The following PACRG variants were observed in gnomAD, a reference collection of about 807,000 sequenced individuals.
The protein encoded by PACRG is parkin coregulated gene protein.
Under a neutral mutation model 29.7 loss-of-function variants are expected in PACRG, and 29 were observed. The ratio of observed to expected loss-of-function variants is 0.98; its 90% confidence interval spans 0.73 to 1.33. The LOEUF is 1.33. Ranked by LOEUF, PACRG falls within the 40% of genes most tolerant of loss-of-function variation. PACRG has a pLI of 0.00. For synonymous variants in PACRG, 116 were observed against 118.7 expected, an observed-to-expected ratio of 0.98 and a Z score of 0.15; for missense variants, 279 against 316.2, an observed-to-expected ratio of 0.88 and a Z score of 0.89.
At chr6:162,858,799 G>A (rs905481491) in intron 2 of PACRG, among the ~76,000 whole-genome samples, 1 of 152,130 alleles carries the variant, frequency 6.6e-6, no homozygotes, top group African/African-American at 2.4e-5. Context: ...CTGGTATAGG[G>A]CAGTACTCCT....
chr6:163,233,431 A>G (rs1296005371), intron 4 of PACRG, among the ~76,000 whole-genome samples: 1 of 152,256 alleles, frequency 6.6e-6, no homozygotes, highest in Non-Finnish European at 1.5e-5. Flanking sequence ...AAATGACACC[A>G]GCCTTGAACT....
chr6:163,022,661 A>G (rs1164528486), intron 2 of PACRG, among the ~76,000 whole-genome samples: 1 of 152,250 alleles, frequency 6.6e-6, no homozygotes. Flanking sequence ...ATGTAATGAA[A>G]TTAACTGTAG....
chr6:162,825,801 A>T (rs1205292880), intron 2 of PACRG, among the ~76,000 whole-genome samples: 1 of 151,686 alleles, frequency 6.6e-6, no homozygotes, highest in Non-Finnish European at 1.5e-5. Context: ...CACATTCTGA[A>T]CCTCTTTTGA....
At chr6:162,983,286 C>CATT (rs1446015107) in intron 2 of PACRG, among the ~76,000 whole-genome samples, 3 of 151,974 alleles carry the variant, frequency 2.0e-5, no homozygotes, top group African/African-American at 7.2e-5. Flanking sequence ...TTAAGTGGAG[C>CATT]ATTTAGGCCA....
At chr6:163,234,738 T>G (rs1048662793) in intron 4 of PACRG, among the ~76,000 whole-genome samples, 1 of 152,124 alleles carries the variant, frequency 6.6e-6, no homozygotes, top group Admixed American at 6.5e-5. Flanking sequence ...GAGTCAAAAA[T>G]TTCTCTTGGA....
At chr6:162,874,221 AACTTT>A (rs1793092887) in intron 2 of PACRG, among the ~76,000 whole-genome samples, 1 of 151,000 alleles carries the variant, frequency 6.6e-6, no homozygotes, top group African/African-American at 2.4e-5. Context: ...GTTTTTTTGT[AACTTT>A]ACTTCCTCCC....
chr6:163,201,462 C>T (rs1345300782), intron 4 of PACRG, among the ~76,000 whole-genome samples: 3 of 152,196 alleles, frequency 2.0e-5, no homozygotes, highest in Non-Finnish European at 4.4e-5. Flanking sequence ...TCCCTCGGCC[C>T]CTGGGGAGCC....
chr6:162,873,206 T>TTGTGTG (rs35191237), intron 2 of PACRG, among the ~76,000 whole-genome samples: 145 of 150,396 alleles, frequency 9.6e-4, no homozygotes, highest in African/African-American at 3.4e-3. Context: ...GTTTTTCTGT[T>TTGTGTG]TGTGTGTGTG....
chr6:163,116,124 G>C (rs73786975), intron 4 of PACRG, among the ~76,000 whole-genome samples: 3,653 of 152,238 alleles, frequency 0.024, 159 homozygotes, highest in African/African-American at 0.083. Flanking sequence ...AAGAAACAAG[G>C]TTTGATGAGC....
intron 3 of PACRG, among the ~76,000 whole-genome samples, chr6:163,070,892 C>T (rs1251428553): frequency 6.6e-6 from 1 of 151,686 alleles, no homozygotes; most frequent in Non-Finnish European, 1.5e-5. Context: ...CAAAAAAGAG[C>T]AGAAGTTGCT....
intron 1 of PACRG, among the ~76,000 whole-genome samples, chr6:162,759,983 C>T (rs546093990): frequency 6.6e-6 from 1 of 152,218 alleles, no homozygotes; most frequent in Non-Finnish European, 1.5e-5. Flanking sequence ...AGAAGATGAG[C>T]AAGGATATGG....
intron 4 of PACRG, chr6:163,095,581 C>G (rs1814501310): frequency 2.6e-6 from 1 of 388,856 alleles, no homozygotes; most frequent in African/African-American, 2.3e-5. Flanking sequence ...TCCGGGGAAG[C>G]CTCCTTCCTG....
intron 2 of PACRG, among the ~76,000 whole-genome samples, chr6:162,858,578 T>C (rs951475319): frequency 6.6e-6 from 1 of 152,150 alleles, no homozygotes; most frequent in Non-Finnish European, 1.5e-5. Context: ...GAGAAAAACA[T>C]CACATTTATT....
intron 2 of PACRG, among the ~76,000 whole-genome samples, chr6:162,877,136 G>A (rs565014480): frequency 9.2e-5 from 14 of 152,196 alleles, no homozygotes; most frequent in South Asian, 8.3e-4. Flanking sequence ...ACATGCACAC[G>A]TAAGTTTATT....
chr6:162,806,001 A>G (rs1786285790), intron 1 of PACRG, among the ~76,000 whole-genome samples: 1 of 152,218 alleles, frequency 6.6e-6, no homozygotes, highest in African/African-American at 2.4e-5. Flanking sequence ...GGCATTTAGA[A>G]TGGTAAATCC....
chr6:162,968,098 A>G (rs574768794), intron 2 of PACRG, among the ~76,000 whole-genome samples: 2 of 152,258 alleles, frequency 1.3e-5, no homozygotes, highest in Non-Finnish European at 2.9e-5. Flanking sequence ...TGTATTCCAG[A>G]CTGCCATAAT....
intron 3 of PACRG, among the ~76,000 whole-genome samples, chr6:163,064,027 G>A (rs541161289): frequency 3.7e-4 from 56 of 151,926 alleles, no homozygotes; most frequent in African/African-American, 1.3e-3. Flanking sequence ...AATATTCTCC[G>A]CAGGAACTAT....
chr6:163,145,690 G>A lies in PACRG; in HGVS notation c.613+56282G>A, dbSNP rs537053336. 2.6e-5 allele frequency among the ~76,000 whole-genome samples: 4 copies of A among 152,352 alleles called. No individual in the cohort carries two copies. The East Asian group carries it at 7.7e-4, about 29-fold the overall frequency. The stretch of plus-strand genomic sequence containing the variant: ...CAAAGGACAGAAAGCGTCAGTACCT[G>A]GAGCGGTTAATCCATCCTCTGAACC... On this transcript the variant is annotated intron_variant, in intron 4 of 4. Coordinates refer to ENST00000366888, the MANE Select transcript of PACRG (RefSeq NM_001080379.2).
At chr6:163,000,244 C>T (rs906168169) in intron 2 of PACRG, among the ~76,000 whole-genome samples, 3 of 152,170 alleles carry the variant, frequency 2.0e-5, no homozygotes, top group Non-Finnish European at 4.4e-5. Flanking sequence ...TGGGCAGTGC[C>T]TAGTCCCTGA....
Sources: gnomAD v4.1 joint callset for allele counts (sites outside exome capture counted in the v4.1 genomes callset) on GRCh38, gnomAD v4.1.1 for gene constraint, MANE v1.5 for transcripts, NCBI Gene and HGNC (gene_info 2026-07-23, HGNC 2026-07-21) for gene names.